The following RSPO2 variants were observed in gnomAD, a reference collection of about 807,000 sequenced individuals.
RSPO2 encodes the protein R-spondin-2.
Under a neutral mutation model 30.9 loss-of-function variants are expected in RSPO2, and 14 were observed. That is an observed-to-expected ratio of 0.45 (90% CI 0.30 to 0.71). The LOEUF (loss-of-function observed/expected upper bound fraction) is 0.71, where lower values mean the gene tolerates loss of function less well. RSPO2 is among the 30% of genes least tolerant of loss of function. The pLI is 0.08. For synonymous variants in RSPO2, 107 were observed against 96.4 expected, an observed-to-expected ratio of 1.11 and a Z score of -0.64; for missense variants, 264 against 301.9, an observed-to-expected ratio of 0.87 and a Z score of 0.93.
intron 5 of RSPO2, among the ~76,000 whole-genome samples, chr8:107,932,881 C>T (rs960241557): frequency 1.3e-5 from 2 of 152,140 alleles, no homozygotes; most frequent in African/African-American, 4.8e-5. Context: ...CTCATCCACA[C>T]AGTCTGTAAT....
At chr8:108,052,584 C>G (rs1328664994) in intron 2 of RSPO2, among the ~76,000 whole-genome samples, 1 of 152,038 alleles carries the variant, frequency 6.6e-6, no homozygotes, top group African/African-American at 2.4e-5. Flanking sequence ...CAAATATAAG[C>G]AAGAAAATGT....
chr8:107,974,847 TACACAC>T (rs10530103), intron 3 of RSPO2, among the ~76,000 whole-genome samples: 1 of 150,922 alleles, frequency 6.6e-6, no homozygotes, highest in African/African-American at 2.4e-5. Flanking sequence ...CACATACACA[TACACAC>T]ACACACACAC....
chr8:107,996,225 C>G (rs1815019549), intron 2 of RSPO2, among the ~76,000 whole-genome samples: 1 of 152,148 alleles, frequency 6.6e-6, no homozygotes, highest in African/African-American at 2.4e-5. Flanking sequence ...GAATCCAACT[C>G]TTGTTCATTT....
At chr8:108,057,492 CA>C (rs1455536872) in intron 2 of RSPO2, among the ~76,000 whole-genome samples, 1 of 152,046 alleles carries the variant, frequency 6.6e-6, no homozygotes, top group Non-Finnish European at 1.5e-5. Flanking sequence ...ACTATTTATA[CA>C]AGGACAGTGT....
chr8:108,083,515 A>G lies in RSPO2; in HGVS notation c.-488T>C, dbSNP rs1563596871. ...TGCGCTTTCTCCACGGTCACTTCAC[A>G]GCTAAGATTTCTTTCTTTCCGAGCT... On this transcript the variant is annotated 5_prime_UTR_variant, in exon 1 of 6. Coordinates refer to ENST00000276659, the MANE Select transcript of RSPO2 (RefSeq NM_178565.5). 1.3e-5 allele frequency: 2 copies of G among 152,252 alleles called. No homozygotes were observed. The highest frequency in any genetic ancestry group is 6.5e-5 in the Admixed American group (1 of 15,290). 9.4% of individuals were successfully genotyped at this position (152,252 alleles called of 1,614,324 possible). A position where few individuals can be genotyped will look rare whatever the true frequency, so the allele number is the denominator to read the frequency against.
At chr8:107,950,164 A>C (rs1350807241) in intron 5 of RSPO2, among the ~76,000 whole-genome samples, 1 of 152,200 alleles carries the variant, frequency 6.6e-6, no homozygotes, top group Admixed American at 6.5e-5. Context: ...AATGTGTCTG[A>C]AATTGGAATA....
At chr8:108,056,965 G>A (rs559235774) in intron 2 of RSPO2, among the ~76,000 whole-genome samples, 3 of 144,338 alleles carry the variant, frequency 2.1e-5, no homozygotes, top group African/African-American at 7.6e-5. Context: ...GCTGAGGCAG[G>A]AGAATCTCTT....
intron 5 of RSPO2, among the ~76,000 whole-genome samples, chr8:107,927,400 C>T (rs1448261359): frequency 1.3e-5 from 2 of 152,126 alleles, no homozygotes; most frequent in Non-Finnish European, 2.9e-5. Context: ...CTTTCTCCTG[C>T]CTGATTGCCC....
intron 2 of RSPO2, among the ~76,000 whole-genome samples, chr8:108,066,038 T>G (rs533645529): frequency 1.1e-3 from 164 of 149,864 alleles, no homozygotes; most frequent in African/African-American, 3.6e-3. Context: ...AAACTCCATC[T>G]CAAAAAAAAG....
chr8:107,994,463 T>C (rs1217638702), intron 2 of RSPO2, among the ~76,000 whole-genome samples: 2 of 152,050 alleles, frequency 1.3e-5, no homozygotes, highest in African/African-American at 2.4e-5. Flanking sequence ...AATGTCGAAA[T>C]AGCATCTAAG....
At chr8:107,934,505 T>C (rs1478618015) in intron 5 of RSPO2, among the ~76,000 whole-genome samples, 1 of 152,126 alleles carries the variant, frequency 6.6e-6, no homozygotes, top group Admixed American at 6.5e-5. Flanking sequence ...CCCAAGTAGC[T>C]GGGATTACAG....
intron 5 of RSPO2, among the ~76,000 whole-genome samples, chr8:107,924,311 T>C (rs1320632096): frequency 2.0e-5 from 3 of 151,914 alleles, no homozygotes; most frequent in South Asian, 2.1e-4. Flanking sequence ...ATTGCATATA[T>C]CAAACAATAA....
At chr8:108,023,224 G>T (rs1429910484) in intron 2 of RSPO2, among the ~76,000 whole-genome samples, 1 of 152,126 alleles carries the variant, frequency 6.6e-6, no homozygotes, top group Non-Finnish European at 1.5e-5. Flanking sequence ...TCTCTTCATA[G>T]TTATTTAAGG....
intron 3 of RSPO2, among the ~76,000 whole-genome samples, chr8:107,981,454 G>T (rs1814429105): frequency 6.6e-6 from 1 of 152,048 alleles, no homozygotes; most frequent in Admixed American, 6.6e-5. Flanking sequence ...CCAGGAAGCG[G>T]AGGTTACAGT....
chr8:107,980,099 T>C (rs1341305028), intron 3 of RSPO2, among the ~76,000 whole-genome samples: 5 of 152,152 alleles, frequency 3.3e-5, no homozygotes, highest in East Asian at 1.9e-4. Context: ...AAGATAGTTT[T>C]ATAACACACT....
At chr8:107,986,393 T>C (rs1814634158) in intron 3 of RSPO2, among the ~76,000 whole-genome samples, 2 of 152,178 alleles carry the variant, frequency 1.3e-5, no homozygotes, top group Non-Finnish European at 2.9e-5. Context: ...AAGAAGTCTA[T>C]CCATAGCAAA....
chr8:107,979,241 T>C (rs948350909), intron 3 of RSPO2, among the ~76,000 whole-genome samples: 12 of 152,248 alleles, frequency 7.9e-5, no homozygotes, highest in African/African-American at 1.2e-4. Flanking sequence ...CGTATGTTTA[T>C]TGAGGCACTA....
At chr8:107,983,841 T>A in intron 3 of RSPO2, 1 of 1,599,822 alleles carries the variant, frequency 6.3e-7, no homozygotes. Context: ...CTCCTCAACC[T>A]GGCAGAAGTT....
intron 2 of RSPO2, among the ~76,000 whole-genome samples, chr8:107,991,357 GA>G (rs1229622313): frequency 6.6e-6 from 1 of 151,806 alleles, no homozygotes; most frequent in Non-Finnish European, 1.5e-5. Context: ...ATATGCAAAA[GA>G]TTGAAACTGG....
Sources: gnomAD v4.1 joint callset for allele counts (sites outside exome capture counted in the v4.1 genomes callset) on GRCh38, gnomAD v4.1.1 for gene constraint, MANE v1.5 for transcripts, NCBI Gene and HGNC (gene_info 2026-07-23, HGNC 2026-07-21) for gene names.